The following LIN7A variants were observed in gnomAD, a reference collection of about 807,000 sequenced individuals.
LIN7A encodes the protein lin-7 cell polarity scaffold A.
LIN7A carries 25 observed loss-of-function variants against 29.8 expected under a neutral mutation model. The ratio of observed to expected loss-of-function variants is 0.84; its 90% CI spans 0.61 to 1.17. The LOEUF (loss-of-function observed/expected upper bound fraction) is 1.17. Among genes scored for constraint, LIN7A ranks in the 50% most tolerant of loss-of-function variants. The pLI is 0.00. For missense variants in LIN7A, 239 were observed against 287.0 expected, an observed-to-expected ratio of 0.83 and a Z score of 1.21; for synonymous variants, 118 against 107.5, an observed-to-expected ratio of 1.10 and a Z score of -0.60.
chr12:80,817,424 T>C (rs562063147), intron 4 of LIN7A, among the ~76,000 whole-genome samples: 22 of 152,290 alleles, frequency 1.4e-4, no homozygotes, highest in African/African-American at 4.1e-4. Context: ...GGGAATTACA[T>C]AGATATCATC....
chr12:80,825,872 C>A (rs1872054326), intron 4 of LIN7A, among the ~76,000 whole-genome samples: 1 of 152,042 alleles, frequency 6.6e-6, no homozygotes, highest in Admixed American at 6.5e-5. Context: ...CTTTAAATAT[C>A]TAGCCTGTTT....
In LIN7A at chr12:80,794,988, T is replaced by A. The variant is rs1027612941; in HGVS notation, c.*2739A>T. On this transcript the variant is annotated 3_prime_UTR_variant, in exon 6 of 6. Transcript: ENST00000552864. ...CCACTGACCTAAAAAAGGGAAAAAATTAAATTTCACCAGGATTTCTGGTGA... is the reference window on the plus strand; with the variant it reads ...CCACTGACCTAAAAAAGGGAAAAAAATAAATTTCACCAGGATTTCTGGTGA... 1 of 152,088 alleles carries A rather than the reference T, an allele frequency of 6.6e-6. No individual in the cohort carries two copies. Among genetic ancestry groups the A allele is most frequent in the South Asian group, 2.1e-4 (1 of 4,830 alleles). 9.4% of individuals were successfully genotyped at this position (152,088 alleles called of 1,614,324 possible).
chr12:80,933,745 C>G (rs973073605), intron 1 of LIN7A, among the ~76,000 whole-genome samples: 1 of 152,104 alleles, frequency 6.6e-6, no homozygotes, highest in Non-Finnish European at 1.5e-5. Flanking sequence ...TGCAACTTTG[C>G]CTCCTCACTT....
At chr12:80,897,883 A>G (rs1438389448) in intron 1 of LIN7A, among the ~76,000 whole-genome samples, 1 of 152,152 alleles carries the variant, frequency 6.6e-6, no homozygotes, top group Non-Finnish European at 1.5e-5. Flanking sequence ...TTATTTGCAA[A>G]ATCAAAATAT....
chr12:80,846,700 T>A (rs1327466705), intron 3 of LIN7A, among the ~76,000 whole-genome samples: 1 of 152,196 alleles, frequency 6.6e-6, no homozygotes, highest in Non-Finnish European at 1.5e-5. Context: ...AATGATTTTA[T>A]ACCTAGATAT....
At chr12:80,871,297 C>T (rs1351504483) in intron 2 of LIN7A, among the ~76,000 whole-genome samples, 1 of 152,154 alleles carries the variant, frequency 6.6e-6, no homozygotes, top group Non-Finnish European at 1.5e-5. Flanking sequence ...TTGGAGTTAA[C>T]ACACAACATA....
intron 5 of LIN7A, among the ~76,000 whole-genome samples, chr12:80,807,063 G>GTTTTTTTTTGTTTTTTTTGTT: frequency 1.9e-5 from 1 of 53,592 alleles, no homozygotes; most frequent in Non-Finnish European, 3.5e-5. Context: ...TGAAGATGGA[G>GTTTTTTTTTGTTTTTTTTGTT]TTTTTTTTTT....
intron 4 of LIN7A, among the ~76,000 whole-genome samples, chr12:80,831,921 G>C (rs1872368089): frequency 1.3e-5 from 2 of 152,176 alleles, no homozygotes; most frequent in Admixed American, 1.3e-4. Flanking sequence ...AAAATAAGGG[G>C]AATTTCAGGA....
intron 2 of LIN7A, among the ~76,000 whole-genome samples, chr12:80,866,709 T>C (rs920674352): frequency 2.0e-5 from 3 of 152,184 alleles, no homozygotes; most frequent in South Asian, 2.1e-4. Flanking sequence ...TGGGAACCAC[T>C]GGCTCAAACA....
chr12:80,937,579 A>AT (rs1878310783), intron 1 of LIN7A, 62 bp downstream of exon 1: 21 of 1,219,168 alleles, frequency 1.7e-5, no homozygotes, highest in Non-Finnish European at 5.5e-6. Flanking sequence ...GGGAATTGGC[A>AT]GGCGGGGAAG....
At chr12:80,927,166 T>C (rs1877640547) in intron 1 of LIN7A, among the ~76,000 whole-genome samples, 2 of 129,578 alleles carry the variant, frequency 1.5e-5, no homozygotes, top group Non-Finnish European at 3.3e-5. Flanking sequence ...TTTTTTTTTT[T>C]TTTTTTTTTT....
chr12:80,817,169 G>A (rs954995353), intron 4 of LIN7A, among the ~76,000 whole-genome samples: 8 of 152,174 alleles, frequency 5.3e-5, no homozygotes, highest in Admixed American at 2.6e-4. Context: ...TGGTATGCTC[G>A]TATTTCTGGT....
intron 1 of LIN7A, among the ~76,000 whole-genome samples, chr12:80,927,418 G>C (rs974804456): frequency 4.6e-5 from 7 of 151,942 alleles, no homozygotes; most frequent in Non-Finnish European, 7.4e-5. Flanking sequence ...CAAAGTGCTG[G>C]GATTGCAGGC....
intron 1 of LIN7A, chr12:80,936,735 T>TC (rs1457301926): frequency 2.6e-5 from 1 of 39,140 alleles, no homozygotes; most frequent in East Asian, 8.0e-4. Context: ...ATCCCTGAGC[T>TC]TGTGAGGGCG....
chr12:80,813,614 G>A (rs979333), intron 4 of LIN7A, among the ~76,000 whole-genome samples: 130,165 of 152,168 alleles, frequency 0.86, 56,028 homozygotes, highest in African/African-American at 0.94. Context: ...ACATCATGGC[G>A]TAGACAATAC....
At position 80,795,631 on chromosome 12, in the gene LIN7A, T is replaced by C. The variant is rs1470628796; in HGVS notation, c.*2096A>G. On this transcript the variant is annotated 3_prime_UTR_variant, in exon 6 of 6. Transcript: ENST00000552864. ...CCTTAAGCTCCAAATTTATACAATG[T>C]ATTGAAATGTGTTGAAATGACCATT... The C allele has an allele frequency of 6.6e-6, 1 of 152,176 alleles. No individual in the cohort carries two copies. Among genetic ancestry groups the C allele is most frequent in the African/African-American group, 2.4e-5 (1 of 41,450 alleles). The allele number at this position is 152,176 out of a possible 1,614,324, so 9.4% of individuals were successfully genotyped here. A position where few individuals can be genotyped will look rare whatever the true frequency, so the allele number is the denominator to read the frequency against.
intron 1 of LIN7A, among the ~76,000 whole-genome samples, chr12:80,889,847 T>C (rs1417323850): frequency 1.3e-5 from 2 of 152,152 alleles, no homozygotes; most frequent in Admixed American, 6.5e-5. Flanking sequence ...GGAACTTCTC[T>C]GGTTTGGTTA....
chr12:80,810,336 C>T (rs185455885), intron 5 of LIN7A, among the ~76,000 whole-genome samples: 38 of 152,114 alleles, frequency 2.5e-4, no homozygotes, highest in African/African-American at 7.5e-4. Context: ...GGCCCATCCA[C>T]GCTGACAAAA....
At chr12:80,799,023 T>C (rs971274339) in intron 5 of LIN7A, among the ~76,000 whole-genome samples, 4 of 152,182 alleles carry the variant, frequency 2.6e-5, no homozygotes, top group African/African-American at 9.7e-5. Context: ...TGAGCCACCG[T>C]GCCTGGCCTA....
Sources: gnomAD v4.1 joint callset for allele counts (sites outside exome capture counted in the v4.1 genomes callset) on GRCh38, gnomAD v4.1.1 for gene constraint, MANE v1.5 for transcripts, NCBI Gene and HGNC (gene_info 2026-07-23, HGNC 2026-07-21) for gene names.